Variants in HLCS observed in about 807,000 individuals in gnomAD.
HLCS encodes the protein holocarboxylase synthetase.
HLCS carries 53 observed loss-of-function variants against 75.0 expected under a neutral mutation model. The observed-to-expected ratio is 0.71, with a 90% CI of 0.57 to 0.89. HLCS has a LOEUF of 0.89. Ranked by LOEUF, HLCS falls within the 40% of genes least tolerant of loss-of-function variation. The probability of loss-of-function intolerance (pLI) is 0.00; values close to 1 mark genes in which losing one functional copy is unlikely to be tolerated. For missense variants in HLCS, 966 were observed against 1,074.0 expected, an observed-to-expected ratio of 0.90 and a Z score of 1.41; for synonymous variants, 431 against 428.6, an observed-to-expected ratio of 1.01 and a Z score of -0.07.
At chr21:36,879,506 G>T (rs1465376005) in intron 6 of HLCS, among the ~76,000 whole-genome samples, 1 of 152,112 alleles carries the variant, frequency 6.6e-6, no homozygotes, top group East Asian at 1.9e-4. Flanking sequence ...AATACCATTT[G>T]GGAAAAGATT....
intron 6 of HLCS, among the ~76,000 whole-genome samples, chr21:36,858,035 G>T (rs556251235): frequency 6.6e-6 from 1 of 151,940 alleles, no homozygotes; most frequent in Non-Finnish European, 1.5e-5. Flanking sequence ...TGATCCACCC[G>T]CCTCAACCTC....
intron 5 of HLCS, among the ~76,000 whole-genome samples, chr21:36,909,053 G>A (rs532620965): frequency 2.9e-3 from 443 of 152,192 alleles, no homozygotes; most frequent in Admixed American, 4.6e-3. Flanking sequence ...AAAATTAGCC[G>A]GGCGTGGTGG....
intron 1 of HLCS, chr21:36,974,044 G>A (rs1472661406): frequency 6.6e-6 from 1 of 152,146 alleles, no homozygotes; most frequent in Non-Finnish European, 1.5e-5. Context: ...GGACAGTGAG[G>A]CAACCCAGGG....
chr21:36,945,706 G>A (rs964667595), intron 2 of HLCS, among the ~76,000 whole-genome samples: 2 of 152,192 alleles, frequency 1.3e-5, no homozygotes, highest in East Asian at 1.9e-4. Flanking sequence ...TCTTTCTGGT[G>A]TGCTGAAAAT....
intron 5 of HLCS, among the ~76,000 whole-genome samples, chr21:36,918,593 C>G (rs768949617): frequency 5.3e-5 from 8 of 152,138 alleles, no homozygotes; most frequent in Non-Finnish European, 1.2e-4. Flanking sequence ...AAATCAATAC[C>G]GTCCCTGCTA....
intron 5 of HLCS, among the ~76,000 whole-genome samples, chr21:36,906,407 A>T (rs1163690609): frequency 1.3e-5 from 2 of 152,158 alleles, no homozygotes; most frequent in Non-Finnish European, 2.9e-5. Context: ...GGTGGCATGC[A>T]CCTGTAGTCC....
At chr21:36,806,470 G>C (rs959939341) in intron 6 of HLCS, among the ~76,000 whole-genome samples, 1 of 149,852 alleles carries the variant, frequency 6.7e-6, no homozygotes, top group African/African-American at 2.5e-5. Flanking sequence ...TGAGGTTTCC[G>C]AAAAAAAAAC....
At chr21:36,773,257 A>T (rs2060262100) in intron 6 of HLCS, among the ~76,000 whole-genome samples, 2 of 152,162 alleles carry the variant, frequency 1.3e-5, no homozygotes, top group Admixed American at 1.3e-4. Flanking sequence ...TCCAGCACAG[A>T]TTGGCAAAGA....
At chr21:36,916,659 G>A (rs146051871) in intron 5 of HLCS, among the ~76,000 whole-genome samples, 142 of 151,338 alleles carry the variant, frequency 9.4e-4, no homozygotes, top group African/African-American at 3.2e-3. Flanking sequence ...GGCATGAGCC[G>A]CTGCACCTGA....
At position 36,751,328 on chromosome 21, in the gene HLCS, T is replaced by G. The variant is rs575370961; in HGVS notation, c.*2918A>C. The G allele has an allele frequency of 6.5e-6, 1 of 152,794 alleles. No homozygotes were observed. The highest frequency in any genetic ancestry group is 6.5e-5 in the Admixed American group (1 of 15,314). 9.5% of individuals were successfully genotyped at this position (152,794 alleles called of 1,614,324 possible). On this transcript the variant is annotated 3_prime_UTR_variant, in exon 11 of 11. Coordinates refer to ENST00000674895, the MANE Select transcript of HLCS (RefSeq NM_001352514.2). ...TTTCTTTTATTTCAAATATGCATAG[T>G]GATTAACCAGGAATAAGGATTCTCC...
At chr21:36,946,063 C>T in intron 2 of HLCS, 5 of 973,458 alleles carry the variant, frequency 5.1e-6, no homozygotes, top group Non-Finnish European at 6.1e-6. Flanking sequence ...GCCTGGGCCA[C>T]AAGGGTGCTC....
At chr21:36,794,135 G>A (rs1020320733) in intron 6 of HLCS, among the ~76,000 whole-genome samples, 8 of 152,206 alleles carry the variant, frequency 5.3e-5, no homozygotes, top group Non-Finnish European at 1.2e-4. Context: ...AAACCCATGA[G>A]GATACAGATG....
upstream of HLCS, among the ~76,000 whole-genome samples, chr21:36,971,102 A>G (rs1185990697): frequency 1.3e-5 from 2 of 152,232 alleles, no homozygotes; most frequent in East Asian, 3.8e-4. Context: ...AGCAAAAAGT[A>G]ATTTTATTTT....
At chr21:36,890,583 G>T (rs1043678309) in intron 6 of HLCS, among the ~76,000 whole-genome samples, 1 of 152,102 alleles carries the variant, frequency 6.6e-6, no homozygotes, top group African/African-American at 2.4e-5. Flanking sequence ...GGAGACACAA[G>T]GTGAAGGCGG....
intron 6 of HLCS, among the ~76,000 whole-genome samples, chr21:36,884,467 T>G (rs1381200927): frequency 6.6e-6 from 1 of 152,258 alleles, no homozygotes; most frequent in African/African-American, 2.4e-5. Context: ...GGCTGGTTAT[T>G]CCAAGGTCAT....
chr21:36,759,443 C>T (rs1312326555), intron 9 of HLCS, among the ~76,000 whole-genome samples: 1 of 152,176 alleles, frequency 6.6e-6, no homozygotes, highest in African/African-American at 2.4e-5. Flanking sequence ...TTTATTTTCA[C>T]CATTTCAAAT....
intron 6 of HLCS, among the ~76,000 whole-genome samples, chr21:36,786,905 G>A (rs752438526): frequency 2.0e-5 from 3 of 152,214 alleles, no homozygotes; most frequent in Non-Finnish European, 2.9e-5. Context: ...CTCTTAAGGA[G>A]TAGGGACAAC....
chr21:36,813,971 A>G (rs1452597828), intron 6 of HLCS, among the ~76,000 whole-genome samples: 1 of 152,184 alleles, frequency 6.6e-6, no homozygotes, highest in Non-Finnish European at 1.5e-5. Flanking sequence ...CAAATTTTCG[A>G]TTCTGCCAGG....
intron 6 of HLCS, among the ~76,000 whole-genome samples, chr21:36,833,176 A>G (rs1358023044): frequency 6.6e-6 from 1 of 151,432 alleles, no homozygotes; most frequent in Non-Finnish European, 1.5e-5. Flanking sequence ...ACATGCCACC[A>G]TGCCTAGCTA....
Sources: allele counts gnomAD v4.1 joint callset (sites outside exome capture counted in the v4.1 genomes callset), GRCh38; gene constraint gnomAD v4.1.1; transcripts MANE v1.5; gene names NCBI Gene and HGNC (gene_info 2026-07-23, HGNC 2026-07-21).